Variants in KAZN observed in about 807,000 individuals in gnomAD.
KAZN encodes the protein kazrin.
KAZN carries 40 observed loss-of-function variants against 87.4 expected under a neutral mutation model. The ratio of observed to expected loss-of-function variants is 0.46; its 90% CI spans 0.36 to 0.60. The LOEUF is 0.60. Among genes scored for constraint, KAZN ranks in the 20% least tolerant of loss-of-function variants. The probability of loss-of-function intolerance (pLI) is 0.00; values close to 1 mark genes in which losing one functional copy is unlikely to be tolerated. For missense variants in KAZN, 898 were observed against 1,073.9 expected (o/e 0.84, Z 2.29); for synonymous variants, 466 against 458.3 (o/e 1.02, Z -0.22).
chr1:13,952,817 G>A (rs1312406021), intron 1 of KAZN, among the ~76,000 whole-genome samples: 2 of 152,202 alleles, frequency 1.3e-5, no homozygotes, highest in African/African-American at 2.4e-5. Flanking sequence ...GACCACAATT[G>A]TGCTGTGTGA....
At chr1:15,076,097 G>C (rs1194215263) in intron 8 of KAZN, among the ~76,000 whole-genome samples, 2 of 152,216 alleles carry the variant, frequency 1.3e-5, no homozygotes, top group Non-Finnish European at 2.9e-5. Flanking sequence ...TGTGGACCAG[G>C]AGGGAAGGAA....
At chr1:14,545,697 T>C (rs1432950617) in intron 2 of KAZN, among the ~76,000 whole-genome samples, 1 of 152,178 alleles carries the variant, frequency 6.6e-6, no homozygotes, top group Non-Finnish European at 1.5e-5. Flanking sequence ...TGTTCATCCA[T>C]GCTACATGCT....
chr1:14,185,346 T>C lies in KAZN; in HGVS notation c.249+4754T>C, dbSNP rs903038161. ...TTGAAGTCTACTCATCCCACCAGCTTTCCACCTTGTAAAAGTCATAGGAGA... is the reference window on the plus strand; with the variant it reads ...TTGAAGTCTACTCATCCCACCAGCTCTCCACCTTGTAAAAGTCATAGGAGA... On this transcript the variant is annotated intron_variant, in intron 2 of 16. Coordinates refer to the KAZN transcript ENST00000636203. Among the ~76,000 whole-genome samples the C allele has an allele frequency of 2.6e-5, 4 of 152,190 alleles. No individual in the cohort carries two copies. The East Asian group carries it at 7.7e-4, about 29-fold the overall frequency.
chr1:14,484,846 C>T (rs1284756329), intron 2 of KAZN, among the ~76,000 whole-genome samples: 4 of 152,196 alleles, frequency 2.6e-5, no homozygotes, highest in Non-Finnish European at 5.9e-5. Context: ...ACATGTTTCA[C>T]AGCAAAAGCC....
intron 2 of KAZN, among the ~76,000 whole-genome samples, chr1:14,256,077 C>G (rs2100633479): frequency 6.6e-6 from 1 of 152,324 alleles, no homozygotes; most frequent in Middle Eastern, 3.4e-3. Context: ...ATGATTGTTA[C>G]TCTTTAGATT....
chr1:14,904,648 CTG>C (rs1656306131), intron 1 of KAZN, among the ~76,000 whole-genome samples: 1 of 152,254 alleles, frequency 6.6e-6, no homozygotes, highest in South Asian at 2.1e-4. Context: ...CAGGTACAAA[CTG>C]AGTCATTTCC....
At chr1:13,976,771 TA>T (rs1291947569) in intron 1 of KAZN, among the ~76,000 whole-genome samples, 1 of 152,174 alleles carries the variant, frequency 6.6e-6, no homozygotes, top group Non-Finnish European at 1.5e-5. Flanking sequence ...CTATCTTCCT[TA>T]AGATGCTAGT....
intron 1 of KAZN, among the ~76,000 whole-genome samples, chr1:14,712,849 C>A (rs1254588239): frequency 6.6e-6 from 1 of 152,210 alleles, no homozygotes; most frequent in Non-Finnish European, 1.5e-5. Flanking sequence ...CTTCTCACCC[C>A]CCACCTTTTC....
At chr1:14,591,178 C>CA (rs1279053808) in intron 2 of KAZN, among the ~76,000 whole-genome samples, 1 of 152,000 alleles carries the variant, frequency 6.6e-6, no homozygotes, top group African/African-American at 2.4e-5. Flanking sequence ...AGTGCCCCCC[C>CA]CCCATGGACA....
At chr1:14,875,060 G>A (rs754280773) in intron 1 of KAZN, among the ~76,000 whole-genome samples, 24 of 152,064 alleles carry the variant, frequency 1.6e-4, no homozygotes, top group African/African-American at 3.9e-4. Context: ...GGCCAGGTGC[G>A]GTGGCTCACA....
At chr1:14,479,102 CAG>C (rs554564564) in intron 2 of KAZN, among the ~76,000 whole-genome samples, 3 of 152,180 alleles carry the variant, frequency 2.0e-5, no homozygotes, top group Non-Finnish European at 4.4e-5. Flanking sequence ...CTCATTAGTT[CAG>C]AGTCGCCCCT....
rs1454361749 is a variant in KAZN, at chr1:14,492,996, TCCCTCTGC to T, written c.250-105985_250-105978del. ...TCCTCAGTGCCTTTGCCCTGGCTGT[TCCCTCTGC>T]CTGGACATTCTTCCCTAGACGTTCG... On this transcript the variant is annotated intron_variant, in intron 2 of 16. Coordinates refer to the KAZN transcript ENST00000636203. 1.1e-4 allele frequency among the ~76,000 whole-genome samples: 9 copies of T among 83,130 alleles called. 1 individual carries two copies. Among genetic ancestry groups the T allele is most frequent in the South Asian group, 8.9e-4 (2 of 2,236 alleles). 54.5% of individuals were successfully genotyped at this position (83,130 alleles called of 152,430 possible).
intron 1 of KAZN, among the ~76,000 whole-genome samples, chr1:13,998,484 C>A (rs779670114): frequency 6.6e-6 from 1 of 152,076 alleles, no homozygotes; most frequent in African/African-American, 2.4e-5. Flanking sequence ...AGACTCAACT[C>A]ATGTGCAAAG....
chr1:14,060,596 CTTCTT>C (rs964555906), intron 1 of KAZN, among the ~76,000 whole-genome samples: 2 of 152,174 alleles, frequency 1.3e-5, no homozygotes, highest in African/African-American at 4.8e-5. Flanking sequence ...TGTCCCCTGA[CTTCTT>C]TTCTTCTGCC....
At chr1:14,527,346 C>T (rs1329409626) in intron 2 of KAZN, among the ~76,000 whole-genome samples, 2 of 152,074 alleles carry the variant, frequency 1.3e-5, no homozygotes, top group Non-Finnish European at 2.9e-5. Flanking sequence ...GTCAAGAGTT[C>T]GAGACCAGCC....
chr1:13,996,798 C>T (rs1232946501), intron 1 of KAZN, among the ~76,000 whole-genome samples: 2 of 152,202 alleles, frequency 1.3e-5, no homozygotes, highest in African/African-American at 4.8e-5. Flanking sequence ...ATCTGGGCAG[C>T]CCGGATGAGT....
At chr1:14,623,800 G>C (rs1234688318) in intron 1 of KAZN, among the ~76,000 whole-genome samples, 1 of 151,642 alleles carries the variant, frequency 6.6e-6, no homozygotes, top group Non-Finnish European at 1.5e-5. Context: ...GTTTATTAGG[G>C]ACTCTTGTTA....
At chr1:14,654,789 C>A (rs189212384) in intron 1 of KAZN, among the ~76,000 whole-genome samples, 1 of 152,312 alleles carries the variant, frequency 6.6e-6, no homozygotes, top group African/African-American at 2.4e-5. Flanking sequence ...CACCTCCAGC[C>A]CACCTGTTGG....
chr1:14,301,156 G>C (rs1219638084), intron 2 of KAZN, among the ~76,000 whole-genome samples: 7 of 152,174 alleles, frequency 4.6e-5, no homozygotes. Context: ...AGACCATAGG[G>C]AATTCACAAA....
Sources: allele counts gnomAD v4.1 joint callset (sites outside exome capture counted in the v4.1 genomes callset), GRCh38; gene constraint gnomAD v4.1.1; transcripts MANE v1.5; gene names NCBI Gene and HGNC (gene_info 2026-07-23, HGNC 2026-07-21).